The following DPP6 variants were observed in gnomAD, a reference collection of about 807,000 sequenced individuals.
The protein encoded by DPP6 is dipeptidyl peptidase like 6, also known as A-type potassium channel modulatory protein DPP6.
In DPP6, 69 loss-of-function variants were observed where a neutral mutation model predicts 122.6. That is an observed-to-expected ratio of 0.56 (90% confidence interval 0.46 to 0.69). The LOEUF (loss-of-function observed/expected upper bound fraction) is 0.69. Ranked by LOEUF, DPP6 falls within the 30% of genes least tolerant of loss-of-function variation. DPP6 has a pLI of 0.00. For missense variants in DPP6, 928 were observed against 1,116.9 expected, an observed-to-expected ratio of 0.83 and a Z score of 2.41; for synonymous variants, 418 against 433.1, an observed-to-expected ratio of 0.97 and a Z score of 0.43.
At chr7:154,636,498 C>G (rs936767511) in intron 5 of DPP6, among the ~76,000 whole-genome samples, 1 of 152,238 alleles carries the variant, frequency 6.6e-6, no homozygotes, top group Non-Finnish European at 1.5e-5. Context: ...CTCTCCTAGA[C>G]AGTCCTGTCT....
chr7:154,305,536 G>C (rs757565091), intron 1 of DPP6: 1 of 1,603,824 alleles, frequency 6.2e-7, no homozygotes, highest in East Asian at 2.2e-5. Context: ...GGAAATCCGT[G>C]CAGCAGCAGG....
chr7:154,486,700 G>C lies in DPP6; in HGVS notation c.457+11663G>C, dbSNP rs1238918600. 6.6e-6 allele frequency among the ~76,000 whole-genome samples: 1 copy of C among 152,192 alleles called. No individual in the cohort carries two copies. The highest frequency in any genetic ancestry group is 2.4e-5 in the African/African-American group (1 of 41,452). On this transcript the variant is annotated intron_variant, in intron 3 of 25. Coordinates refer to ENST00000377770, the MANE Select transcript of DPP6 (RefSeq NM_130797.4). The surrounding 1 kb of genome is among the most constrained non-coding windows in gnomAD (Gnocchi z 4.5). ...GAACCAGCTAGGGTTGGACCACCTTGGGGATGCAGCCCACTTCGCAGAGGC... is the reference window on the plus strand; with the variant it reads ...GAACCAGCTAGGGTTGGACCACCTTCGGGATGCAGCCCACTTCGCAGAGGC...
At chr7:154,251,919 C>A (rs200235025) in intron 1 of DPP6, among the ~76,000 whole-genome samples, 1 of 60,898 alleles carries the variant, frequency 1.6e-5, no homozygotes, top group African/African-American at 2.3e-4. Flanking sequence ...CTCACAGACA[C>A]ACCAGAAACA....
At chr7:154,216,594 G>A (rs1800011032) in intron 1 of DPP6, among the ~76,000 whole-genome samples, 1 of 152,124 alleles carries the variant, frequency 6.6e-6, no homozygotes, top group Admixed American at 6.6e-5. Flanking sequence ...AGGTTGGAGG[G>A]TGTATGATGA....
At chr7:154,061,677 G>T (rs1801926491) in intron 1 of DPP6, among the ~76,000 whole-genome samples, 1 of 141,046 alleles carries the variant, frequency 7.1e-6, no homozygotes, top group Non-Finnish European at 1.6e-5. Context: ...TCCCCCCCTG[G>T]CTCTTGGGAC....
At chr7:154,357,683 C>T (rs1053156774) in intron 1 of DPP6, among the ~76,000 whole-genome samples, 2 of 150,452 alleles carry the variant, frequency 1.3e-5, no homozygotes, top group African/African-American at 2.4e-5. Context: ...TGGCTCATGC[C>T]TGTAATCCAA....
At chr7:154,656,666 G>A (rs546573654) in intron 6 of DPP6, among the ~76,000 whole-genome samples, 2 of 152,106 alleles carry the variant, frequency 1.3e-5, no homozygotes, top group African/African-American at 2.4e-5. Flanking sequence ...GACCAAGACC[G>A]GTAGGCGTTG....
At chr7:153,812,014 C>A in the DPP6 span, among the ~76,000 whole-genome samples, 691 of 151,468 alleles carry the variant, frequency 4.6e-3, 4 homozygotes, top group African/African-American at 0.016. Flanking sequence ...GGTGTTTTTA[C>A]CGCCCAAATG....
At chr7:153,872,104 A>G in the DPP6 span, among the ~76,000 whole-genome samples, 4 of 152,076 alleles carry the variant, frequency 2.6e-5, no homozygotes, top group Admixed American at 6.6e-5. Context: ...TGGATCCACA[A>G]TCGTTCCATC....
In DPP6 at chr7:154,727,798, G is replaced by A. The variant is rs1842139242; in HGVS notation, c.794G>A (p.Cys265Tyr). Residue 265 changes from cysteine to tyrosine, a missense_variant, in exon 8 of 26, where the codon TGT (cysteine) becomes TAT (tyrosine). By Grantham distance (194) the Cys-to-Tyr change is radical. Coordinates refer to ENST00000377770, the MANE Select transcript of DPP6 (RefSeq NM_130797.4). ...ATTTTTGAAAACAATATCTACTACT[G>A]TGCACATGTCGGGAAACAGGCCATC... ...IFIFENNIYY[C>Y]AHVGKQAIRV... 1.2e-6 allele frequency: 2 copies of A among 1,613,630 alleles called. No homozygotes were observed. The highest frequency in any genetic ancestry group is 1.7e-6 in the Non-Finnish European group (2 of 1,179,796).
the DPP6 span, among the ~76,000 whole-genome samples, chr7:153,791,414 TCC>T: frequency 2.0e-5 from 2 of 99,090 alleles, no homozygotes; most frequent in South Asian, 3.6e-4. Flanking sequence ...CTTCCTTCCT[TCC>T]TTCCTTTCTT....
chr7:154,658,878 A>G (rs1395111986), intron 6 of DPP6, among the ~76,000 whole-genome samples: 1 of 152,208 alleles, frequency 6.6e-6, no homozygotes, highest in Admixed American at 6.5e-5. Context: ...CCCAAAGGTC[A>G]TTCTCAAAGG....
In DPP6 at chr7:154,090,849, G is replaced by A. The variant is rs546522669; in HGVS notation, c.243+37786G>A. ...CAAAATTCAATTCTGGGCCGTTTGC[G>A]GTGGCTCATGCCTGTAATCCCAGCA... On this transcript the variant is annotated intron_variant, in intron 1 of 25. Coordinates refer to ENST00000377770, the MANE Select transcript of DPP6 (RefSeq NM_130797.4). Among the ~76,000 whole-genome samples the A allele has an allele frequency of 3.1e-3, 464 of 149,902 alleles. 1 individual carries two copies. Among genetic ancestry groups the A allele is most frequent in the Middle Eastern group, 0.017 (5 of 294 alleles).
chr7:154,808,142 T>A lies in DPP6; in HGVS notation c.1666+1030T>A, dbSNP rs373601143. The stretch of plus-strand genomic sequence containing the variant: ...GGCAGAGACTAAGATCAGGAGCAAT[T>A]TGCTCCTCTGTCAGAGTTTCAATCC... On this transcript the variant is annotated intron_variant, in intron 16 of 25. Transcript: ENST00000377770. 9.2e-5 allele frequency among the ~76,000 whole-genome samples: 14 copies of A among 152,354 alleles called. No individual in the cohort carries two copies. The East Asian group carries it at 2.7e-3, about 29-fold the overall frequency.
intron 1 of DPP6, among the ~76,000 whole-genome samples, chr7:154,324,496 G>A (rs921035867): frequency 6.6e-6 from 1 of 152,124 alleles, no homozygotes; most frequent in African/African-American, 2.4e-5. Context: ...TTACCACGGG[G>A]TGACCCCGGT....
intron 3 of DPP6, among the ~76,000 whole-genome samples, chr7:154,515,877 A>G: frequency 6.6e-6 from 1 of 152,208 alleles, no homozygotes; most frequent in Non-Finnish European, 1.5e-5. Context: ...TGATCACTGC[A>G]GGAATAGGAA....
At chr7:154,128,674 A>G (rs1206576901) in intron 1 of DPP6, among the ~76,000 whole-genome samples, 1 of 150,050 alleles carries the variant, frequency 6.7e-6, no homozygotes, top group East Asian at 1.9e-4. Flanking sequence ...CAGGCGTGAG[A>G]CACCGTGCCC....
chr7:154,121,989 T>G (rs1476672032), intron 1 of DPP6, among the ~76,000 whole-genome samples: 1 of 152,258 alleles, frequency 6.6e-6, no homozygotes, highest in Non-Finnish European at 1.5e-5. Context: ...CTCACAATTA[T>G]AGTAATTACT....
chr7:154,102,102 C>T (rs1003276175), intron 1 of DPP6, among the ~76,000 whole-genome samples: 5 of 152,100 alleles, frequency 3.3e-5, no homozygotes, highest in East Asian at 1.9e-4. Flanking sequence ...TATTCTCACA[C>T]GCACAGATTG....
Sources: allele counts gnomAD v4.1 joint callset (sites outside exome capture counted in the v4.1 genomes callset), GRCh38; gene constraint gnomAD v4.1.1; non-coding constraint Gnocchi (gnomAD v3.1); transcripts MANE v1.5; gene names NCBI Gene and HGNC (gene_info 2026-07-23, HGNC 2026-07-21).